The following CWC27 variants were observed in gnomAD, a reference collection of about 807,000 sequenced individuals.
CWC27 encodes spliceosome-associated protein CWC27 homolog.
CWC27 carries 47 observed loss-of-function variants against 63.6 expected under a neutral mutation model. The ratio of observed to expected loss-of-function variants is 0.74; its 90% CI spans 0.58 to 0.94. CWC27 has a LOEUF of 0.94. Among genes scored for constraint, CWC27 ranks in the 40% least tolerant of loss-of-function variants. The pLI, the probability that CWC27 is intolerant of heterozygous loss-of-function variation, is 0.00. For missense variants in CWC27, 495 were observed against 554.3 expected (o/e 0.89, Z 1.07); for synonymous variants, 175 against 179.8 (o/e 0.97, Z 0.22).
intron 11 of CWC27, among the ~76,000 whole-genome samples, chr5:64,958,453 C>A (rs1748842492): frequency 6.6e-6 from 1 of 152,070 alleles, no homozygotes; most frequent in African/African-American, 2.4e-5. Flanking sequence ...TCACAGTACT[C>A]AAATTTTATG....
intron 13 of CWC27, among the ~76,000 whole-genome samples, chr5:64,993,356 C>G (rs796600260): frequency 4.6e-5 from 7 of 152,004 alleles, no homozygotes; most frequent in African/African-American, 1.7e-4. Context: ...GAAAAAAAGG[C>G]AAATGTTAAT....
At chr5:64,828,983 A>G (rs1259402550) in intron 10 of CWC27, among the ~76,000 whole-genome samples, 1 of 152,160 alleles carries the variant, frequency 6.6e-6, no homozygotes, top group Non-Finnish European at 1.5e-5. Context: ...ATATTCAACC[A>G]TTTATTTAAT....
intron 13 of CWC27, among the ~76,000 whole-genome samples, chr5:64,979,601 A>C (rs1255184596): frequency 6.6e-6 from 1 of 152,200 alleles, no homozygotes; most frequent in African/African-American, 2.4e-5. Flanking sequence ...ATTTATAACA[A>C]ATATTATGAG....
Position 64,838,544 on chromosome 5 carries a change from G to T in CWC27, c.938+34158G>T, listed in dbSNP as rs114262652. Among the ~76,000 whole-genome samples, 1,067 of 152,210 alleles carry T rather than the reference G, an allele frequency of 7.0e-3. 19 individuals carry two copies. Among genetic ancestry groups the T allele is most frequent in the African/African-American group, 0.024 (1,004 of 41,530 alleles). On this transcript the variant is annotated intron_variant, in intron 10 of 13. Coordinates refer to ENST00000381070, the MANE Select transcript of CWC27 (RefSeq NM_005869.4). ...TCCAGGGAACATGAACTAATAATCTGTGGGCTTCCTTTTAAGGGAATGTTT... is the reference window on the plus strand; with the variant it reads ...TCCAGGGAACATGAACTAATAATCTTTGGGCTTCCTTTTAAGGGAATGTTT...
chr5:64,991,113 T>C (rs2112458366), intron 13 of CWC27, among the ~76,000 whole-genome samples: 1 of 152,318 alleles, frequency 6.6e-6, no homozygotes, highest in Admixed American at 6.5e-5. Context: ...GGGCGTAAAT[T>C]ATGAACTGCT....
rs1743743114 is a variant in CWC27, at chr5:64,782,673, G to T, written c.252+640G>T. The stretch of plus-strand genomic sequence containing the variant: ...ATGTTCTTTGAATGAGTAAATATTG[G>T]TATCTCTTAAAATATGGGAGTTTTT... On this transcript the variant is annotated intron_variant, in intron 3 of 13. Transcript: ENST00000381070. Among the ~76,000 whole-genome samples, 5 of 152,144 alleles carry T rather than the reference G, an allele frequency of 3.3e-5. No homozygotes were observed. In the South Asian group the frequency reaches 1.0e-3, roughly 32 times the overall value.
chr5:64,856,695 G>A (rs1292921028), intron 10 of CWC27, among the ~76,000 whole-genome samples: 1 of 152,020 alleles, frequency 6.6e-6, no homozygotes, highest in African/African-American at 2.4e-5. Flanking sequence ...ATATTAAGTA[G>A]GTGGCAGTTT....
intron 10 of CWC27, among the ~76,000 whole-genome samples, chr5:64,844,702 C>G (rs1745930067): frequency 6.6e-6 from 1 of 152,214 alleles, no homozygotes; most frequent in Non-Finnish European, 1.5e-5. Context: ...AGCAGTGGCT[C>G]CATTCAGCCA....
At position 65,018,360 on chromosome 5, in the gene CWC27, C is replaced by T. The variant is rs763793400; in HGVS notation, c.*39C>T. 6.6e-7 allele frequency: 1 copy of T among 1,523,432 alleles called. No homozygotes were observed. The highest frequency in any genetic ancestry group is 8.8e-7 in the Non-Finnish European group (1 of 1,130,732). The allele number at this position is 1,523,432 out of a possible 1,614,324, so 94.4% of individuals were successfully genotyped here. ...ATAACCAGAACTTGCTGGAAATGTG[C>T]CTACAATGGCCTTGTAACAGCCATT... On this transcript the variant is annotated 3_prime_UTR_variant, in exon 14 of 14. Coordinates refer to ENST00000381070, the MANE Select transcript of CWC27 (RefSeq NM_005869.4).
intron 10 of CWC27, among the ~76,000 whole-genome samples, chr5:64,857,940 A>C (rs944971493): frequency 4.3e-4 from 65 of 149,666 alleles, no homozygotes; most frequent in African/African-American, 1.6e-3. Flanking sequence ...GATCGAGACC[A>C]TCCTGGCTAA....
rs2112222890 is a variant in CWC27, at chr5:64,808,036, A to T, written c.938+3650A>T. ...TTTTCTTGGTCTTCCTGCTCTGGAG[A>T]TTTTTGTCTCTTTTCTCTTGAGACT... On this transcript the variant is annotated intron_variant, in intron 10 of 13. Transcript: ENST00000381070. 5 of 1,342,454 alleles carry T rather than the reference A, an allele frequency of 3.7e-6. No homozygotes were observed. The South Asian group carries it at 8.6e-5, about 23-fold the overall frequency. 83.2% of individuals were successfully genotyped at this position (1,342,454 alleles called of 1,614,324 possible). A position where few individuals can be genotyped will look rare whatever the true frequency, so the allele number is the denominator to read the frequency against.
chr5:64,891,623 A>G (rs1326572922), intron 11 of CWC27, among the ~76,000 whole-genome samples: 1 of 152,160 alleles, frequency 6.6e-6, no homozygotes, highest in Non-Finnish European at 1.5e-5. Flanking sequence ...ATAATTAGCG[A>G]ATCTTGTTGA....
chr5:64,906,927 C>T (rs1222313253), intron 11 of CWC27, among the ~76,000 whole-genome samples: 1 of 152,156 alleles, frequency 6.6e-6, no homozygotes, highest in Non-Finnish European at 1.5e-5. Context: ...ATAGGGAATC[C>T]TTTCCCCATT....
chr5:64,936,135 T>C (rs1337555028), intron 11 of CWC27, among the ~76,000 whole-genome samples: 1 of 152,214 alleles, frequency 6.6e-6, no homozygotes. Context: ...TCCAATATTA[T>C]GTTGAATAGG....
intron 11 of CWC27, among the ~76,000 whole-genome samples, chr5:64,910,742 A>T (rs1182681150): frequency 1.3e-5 from 2 of 152,212 alleles, no homozygotes; most frequent in African/African-American, 4.8e-5. Flanking sequence ...CTCTGTGGGC[A>T]TGGGACCAGC....
At chr5:64,810,560 T>C (rs1354934870) in intron 10 of CWC27, among the ~76,000 whole-genome samples, 3 of 152,160 alleles carry the variant, frequency 2.0e-5, no homozygotes, top group African/African-American at 7.2e-5. Context: ...ATTTGTGCCT[T>C]CTTCAATTTC....
At chr5:64,965,513 G>A (rs1748996489) in intron 11 of CWC27, among the ~76,000 whole-genome samples, 1 of 152,144 alleles carries the variant, frequency 6.6e-6, no homozygotes, top group Non-Finnish European at 1.5e-5. Flanking sequence ...GCTTCATTAA[G>A]AATGGAATAT....
chr5:64,822,964 T>C (rs1342457938), intron 10 of CWC27, among the ~76,000 whole-genome samples: 2 of 152,214 alleles, frequency 1.3e-5, no homozygotes, highest in Admixed American at 1.3e-4. Context: ...TTTCTAGCAC[T>C]AGGCTAGAAT....
chr5:64,820,138 T>C (rs1745153513), intron 10 of CWC27, among the ~76,000 whole-genome samples: 1 of 152,226 alleles, frequency 6.6e-6, no homozygotes, highest in Non-Finnish European at 1.5e-5. Flanking sequence ...TTTTTTTAAA[T>C]ACTGTAACTG....
Sources: allele counts gnomAD v4.1 joint callset (sites outside exome capture counted in the v4.1 genomes callset), GRCh38; gene constraint gnomAD v4.1.1; transcripts MANE v1.5; gene names NCBI Gene and HGNC (gene_info 2026-07-23, HGNC 2026-07-21).